Variants in AK7 observed in about 807,000 individuals in gnomAD.
AK7 encodes ATP-AMP transphosphorylase 7.
In AK7, 78 loss-of-function variants were observed where a neutral mutation model predicts 96.6. The observed-to-expected ratio is 0.81, with a 90% CI of 0.67 to 0.97. The LOEUF (loss-of-function observed/expected upper bound fraction) is 0.97, where lower values mean the gene tolerates loss of function less well. AK7 is among the 50% of genes least tolerant of loss of function. The probability of loss-of-function intolerance (pLI) is 0.00; values close to 1 mark genes in which losing one functional copy is unlikely to be tolerated. For synonymous variants in AK7, 302 were observed against 317.2 expected, an observed-to-expected ratio of 0.95 and a Z score of 0.51; for missense variants, 855 against 887.9, an observed-to-expected ratio of 0.96 and a Z score of 0.47.
intron 12 of AK7, among the ~76,000 whole-genome samples, chr14:96,470,024 G>T (rs1894798343): frequency 6.6e-6 from 1 of 152,026 alleles, no homozygotes; most frequent in East Asian, 1.9e-4. Flanking sequence ...CTCCATGTTG[G>T]TCAGGCTGGT....
At chr14:96,470,110 G>T (rs572609503) in intron 12 of AK7, among the ~76,000 whole-genome samples, 1 of 151,886 alleles carries the variant, frequency 6.6e-6, no homozygotes, top group Non-Finnish European at 1.5e-5. Context: ...GAGCCACCGC[G>T]CCCGCCCGGG....
chr14:96,415,812 T>TACATTAATTAATTAAATTAATTTAAA (rs1891315208), intron 4 of AK7, among the ~76,000 whole-genome samples: 1 of 149,674 alleles, frequency 6.7e-6, no homozygotes, highest in Non-Finnish European at 1.5e-5. Flanking sequence ...ATTAATTTAA[T>TACATTAATTAATTAAATTAATTTAAA]ACATTAATTA....
chr14:96,413,329 T>C (rs979738062), intron 4 of AK7, among the ~76,000 whole-genome samples: 1 of 152,178 alleles, frequency 6.6e-6, no homozygotes, highest in African/African-American at 2.4e-5. Flanking sequence ...TGCTCCAAAC[T>C]TGTAGTCTAG....
chr14:96,427,676 T>G (rs1892107747), intron 5 of AK7, among the ~76,000 whole-genome samples: 1 of 152,214 alleles, frequency 6.6e-6, no homozygotes, highest in Non-Finnish European at 1.5e-5. Flanking sequence ...TTTGAGAAGT[T>G]CTCCACTATT....
Position 96,488,302 on chromosome 14 carries a change from T to C in AK7, c.2134-3T>C, listed in dbSNP as rs1293683051. On this transcript the variant is annotated splice_region_variant and splice_polypyrimidine_tract_variant and intron_variant, in intron 17 of 17. Coordinates refer to ENST00000267584, the MANE Select transcript of AK7 (RefSeq NM_152327.5). ...TGTTGACTTGTCTTTTTTTAAATTG[T>C]AGGCAGAATATCTCTTCAAGAACAA... The C allele has an allele frequency of 1.2e-6, 2 of 1,610,712 alleles. No homozygotes were observed. The highest frequency in any genetic ancestry group is 1.7e-6 in the Non-Finnish European group (2 of 1,177,440).
intron 1 of AK7, among the ~76,000 whole-genome samples, chr14:96,392,738 A>G (rs1889828888): frequency 6.6e-6 from 1 of 151,708 alleles, no homozygotes; most frequent in Non-Finnish European, 1.5e-5. Flanking sequence ...ATCTCGGCTC[A>G]CTGCAAGCTC....
rs1269992054 is a variant in AK7, at chr14:96,408,917, G to C, written c.474G>C (p.Trp158Cys). Reference sequence around the variant, plus strand: ...TTTTACTGTCGACGGTGATGACTTGGGCGCGCTCCAAAGCCCTGGACCCCG... The same window carrying C: ...TTTTACTGTCGACGGTGATGACTTGCGCGCGCTCCAAAGCCCTGGACCCCG... ...LFILLSTVMT[W>C]ARSKALDPED... Residue 158 changes from tryptophan (W) to cysteine (C), a missense_variant, in exon 4 of 18, where the codon TGG (tryptophan) becomes TGC (cysteine). Coordinates refer to ENST00000267584, the MANE Select transcript of AK7 (RefSeq NM_152327.5). The C allele has an allele frequency of 6.2e-7, 1 of 1,614,206 alleles. No individual in the cohort carries two copies. The highest frequency in any genetic ancestry group is 8.5e-7 in the Non-Finnish European group (1 of 1,180,032).
At chr14:96,423,672 G>T in intron 5 of AK7, 1 of 653,286 alleles carries the variant, frequency 1.5e-6, no homozygotes, top group Non-Finnish European at 2.9e-6. Context: ...CTCCAGGACG[G>T]TTCAGGTCGC....
At chr14:96,437,688 A>G (rs1426020112) in intron 5 of AK7, 147 bp from the exon 6 acceptor site, 9 of 606,666 alleles carry the variant, frequency 1.5e-5, no homozygotes, top group Middle Eastern at 4.3e-4. Flanking sequence ...TCTTTAAGAG[A>G]TAGGATTTGT....
intron 4 of AK7, among the ~76,000 whole-genome samples, chr14:96,413,022 C>A (rs1891128904): frequency 1.3e-5 from 2 of 152,146 alleles, no homozygotes; most frequent in Non-Finnish European, 2.9e-5. Flanking sequence ...TTCTGAGCAC[C>A]CCCAGTACAC....
At chr14:96,438,243 T>C (rs1303257332) in intron 6 of AK7, among the ~76,000 whole-genome samples, 1 of 152,162 alleles carries the variant, frequency 6.6e-6, no homozygotes, top group Non-Finnish European at 1.5e-5. Flanking sequence ...GCTTACATTC[T>C]AGGGGGATGG....
chr14:96,471,588 G>C lies in AK7; in HGVS notation c.1468G>C (p.Ala490Pro). Reference protein sequence around the residue: ...LDGFPKTYDQAKDLFNQEDEE... With the variant: ...LDGFPKTYDQPKDLFNQEDEE... ...TGGATTCCCAAAGACCTATGATCAA[G>C]CAAAAGACCTGTTCAATCGTAAGTT... The change falls in exon 13 of 18, where the codon GCA becomes CCA. Residue 490 changes from alanine (A) to proline (P), a missense_variant. By Grantham distance (27) the Ala-to-Pro change is conservative. Transcript: ENST00000267584. 1.3e-6 allele frequency: 2 copies of C among 1,582,702 alleles called. No individual in the cohort carries two copies. The highest frequency in any genetic ancestry group is 1.7e-6 in the Non-Finnish European group (2 of 1,168,080).
intron 7 of AK7, among the ~76,000 whole-genome samples, chr14:96,444,589 A>G (rs1258894977): frequency 6.6e-6 from 1 of 152,240 alleles, no homozygotes; most frequent in Non-Finnish European, 1.5e-5. Context: ...GAGAGCAACA[A>G]CAGCTAATTT....
chr14:96,398,375 C>T (rs750473647), intron 2 of AK7, 112 bp downstream of exon 2: 7 of 1,141,338 alleles, frequency 6.1e-6, no homozygotes, highest in Non-Finnish European at 8.8e-6. Flanking sequence ...CTTCCACAGA[C>T]ATGGCCAGGT....
intron 15 of AK7, among the ~76,000 whole-genome samples, 188 bp downstream of exon 15, chr14:96,478,850 A>C (rs1044669142): frequency 2.6e-5 from 4 of 151,254 alleles, no homozygotes; most frequent in Admixed American, 2.0e-4. Context: ...TGGTGGTGGG[A>C]GGGTGTTATT....
chr14:96,456,358 C>T lies in AK7; in HGVS notation c.1110C>T (p.Ile370=). 4 of 1,603,028 alleles carry T rather than the reference C, an allele frequency of 2.5e-6. No individual in the cohort carries two copies. The African/African-American group carries it at 4.0e-5, about 16-fold the overall frequency. The change falls in exon 11 of 18, where the codon ATC becomes ATT. Residue 370 remains isoleucine (I), a synonymous_variant. Transcript: ENST00000267584. ...KQSRGLMPIK[I]CILGPPAVGK... ...CTCTCCTCTTTCAGCCAATCAAGAT[C>T]TGCATTCTTGGTCCCCCTGCTGTGG... is the stretch of plus-strand genomic sequence containing the variant.
At chr14:96,433,202 T>G (rs1892453805) in intron 5 of AK7, among the ~76,000 whole-genome samples, 1 of 152,180 alleles carries the variant, frequency 6.6e-6, no homozygotes, top group Non-Finnish European at 1.5e-5. Context: ...ATTTCCTGAA[T>G]TTGAATGTTG....
intron 14 of AK7, among the ~76,000 whole-genome samples, chr14:96,474,082 A>G (rs1236468629): frequency 1.3e-5 from 2 of 152,168 alleles, no homozygotes; most frequent in African/African-American, 4.8e-5. Flanking sequence ...TGAGGTAGAT[A>G]TTCATAGGGA....
intron 5 of AK7, among the ~76,000 whole-genome samples, chr14:96,425,484 T>TTC (rs1230209699): frequency 1.4e-5 from 2 of 147,450 alleles, no homozygotes; most frequent in African/African-American, 5.0e-5. Flanking sequence ...ACACTGATTT[T>TTC]TTTTTTTTTT....
Sources: gnomAD v4.1 joint callset for allele counts (sites outside exome capture counted in the v4.1 genomes callset) on GRCh38, gnomAD v4.1.1 for gene constraint, MANE v1.5 for transcripts, NCBI Gene and HGNC (gene_info 2026-07-23, HGNC 2026-07-21) for gene names.